The following CELF2 variants were observed in gnomAD, a reference collection of about 807,000 sequenced individuals.
CELF2 encodes CUGBP Elav-like family member 2.
Under a neutral mutation model 62.6 loss-of-function variants are expected in CELF2, and 8 were observed. The observed-to-expected ratio is 0.13, with a 90% CI of 0.07 to 0.23. The LOEUF (loss-of-function observed/expected upper bound fraction) is 0.23, where lower values mean the gene tolerates loss of function less well. CELF2 is among the 10% of genes least tolerant of loss of function. The probability of loss-of-function intolerance (pLI) is 1.00; values close to 1 mark genes in which losing one functional copy is unlikely to be tolerated. For synonymous variants in CELF2, 258 were observed against 250.0 expected, an observed-to-expected ratio of 1.03 and a Z score of -0.30; for missense variants, 333 against 671.0, an observed-to-expected ratio of 0.50 and a Z score of 5.56.
chr10:10,506,670 ATTTTTTTT>A, the CELF2 span, among the ~76,000 whole-genome samples: 13 of 64,572 alleles, frequency 2.0e-4, no homozygotes, highest in Admixed American at 1.1e-3. Context: ...CCTCCTGTGA[ATTTTTTTT>A]TTTTTTTTTT....
chr10:10,800,510 C>A (rs1274264091), intron 1 of CELF2, among the ~76,000 whole-genome samples: 1 of 152,142 alleles, frequency 6.6e-6, no homozygotes, highest in Non-Finnish European at 1.5e-5. Flanking sequence ...TACCACCATA[C>A]CTGGCTAATT....
the CELF2 span, among the ~76,000 whole-genome samples, chr10:10,499,820 G>T: frequency 6.6e-6 from 1 of 152,224 alleles, no homozygotes; most frequent in African/African-American, 2.4e-5. Context: ...GGAGGTTGCA[G>T]TGAGCTGAGA....
At chr10:11,222,851 T>A (rs573757722) in intron 3 of CELF2, among the ~76,000 whole-genome samples, 1 of 152,360 alleles carries the variant, frequency 6.6e-6, no homozygotes, top group South Asian at 2.1e-4. Flanking sequence ...TGTAGATACG[T>A]TATCACATGT....
intron 1 of CELF2, among the ~76,000 whole-genome samples, chr10:10,863,633 C>G (rs182757829): frequency 7.2e-5 from 11 of 151,966 alleles, no homozygotes; most frequent in Non-Finnish European, 2.9e-5. Context: ...TGGCAAAAAC[C>G]ACAATTACTT....
At chr10:10,745,128 C>CAAAAA in the CELF2 span, among the ~76,000 whole-genome samples, 2 of 98,352 alleles carry the variant, frequency 2.0e-5, no homozygotes, top group East Asian at 3.2e-4. Context: ...AAAAAAAAAA[C>CAAAAA]AAAACAAAAA....
In CELF2 at chr10:11,318,122, A is replaced by G. The variant is rs2095171613; in HGVS notation, c.1097-3067A>G. 1 of 152,590 alleles carries G rather than the reference A, an allele frequency of 6.6e-6. No individual in the cohort carries two copies. Among genetic ancestry groups the G allele is most frequent in the Middle Eastern group, 3.4e-3 (1 of 294 alleles). 9.5% of individuals were successfully genotyped at this position (152,590 alleles called of 1,614,324 possible). A position where few individuals can be genotyped will look rare whatever the true frequency, so the allele number is the denominator to read the frequency against. On this transcript the variant is annotated intron_variant, in intron 10 of 12. Transcript: ENST00000633077. This position sits in a 1 kb window ranked among gnomAD's most constrained non-coding sequence, Gnocchi z 5.4. ...ACTGTCTTTGATAGAATTAATCTAG[A>G]ACAACATCAGGTGACTCACAGGAAC...
chr10:10,554,771 T>C, the CELF2 span, among the ~76,000 whole-genome samples: 1 of 152,330 alleles, frequency 6.6e-6, no homozygotes, highest in Non-Finnish European at 1.5e-5. Flanking sequence ...TGGATTGACC[T>C]TGTCTCATAC....
chr10:11,258,035 C>G (rs141201921), intron 5 of CELF2, among the ~76,000 whole-genome samples, 163 bp downstream of exon 5: 1 of 152,320 alleles, frequency 6.6e-6, no homozygotes, highest in East Asian at 1.9e-4. Flanking sequence ...CTGAAATCAT[C>G]ACCTTTTATT....
the CELF2 span, among the ~76,000 whole-genome samples, chr10:10,748,692 G>A: frequency 6.3e-5 from 9 of 143,428 alleles, no homozygotes; most frequent in Non-Finnish European, 9.0e-5. Flanking sequence ...AACTGGCAGT[G>A]AGCCGAGGTT....
chr10:10,669,720 C>T, the CELF2 span, among the ~76,000 whole-genome samples: 2 of 152,176 alleles, frequency 1.3e-5, no homozygotes, highest in Non-Finnish European at 2.9e-5. Flanking sequence ...GCTTTACTGA[C>T]ACTGCTAACG....
the CELF2 span, among the ~76,000 whole-genome samples, chr10:10,646,548 G>A: frequency 1.3e-5 from 2 of 152,100 alleles, no homozygotes; most frequent in Admixed American, 6.5e-5. Context: ...AAATATGATG[G>A]CAGTCACATC....
chr10:11,143,153 T>C (rs2061660200), intron 1 of CELF2, among the ~76,000 whole-genome samples: 4 of 152,252 alleles, frequency 2.6e-5, no homozygotes. Context: ...TTTTCCTTTG[T>C]GTGCCTGTAA....
At chr10:10,761,500 T>G in the CELF2 span, among the ~76,000 whole-genome samples, 4 of 152,220 alleles carry the variant, frequency 2.6e-5, no homozygotes, top group Non-Finnish European at 5.9e-5. Context: ...AATATTATTC[T>G]GGGTGTTCCT....
chr10:10,858,280 A>G (rs1228237169), intron 1 of CELF2, among the ~76,000 whole-genome samples: 3 of 152,288 alleles, frequency 2.0e-5, no homozygotes, highest in Non-Finnish European at 2.9e-5. Flanking sequence ...GTGGCCTCTC[A>G]TCACCCAATG....
At chr10:10,851,674 G>A (rs1283687796) in intron 1 of CELF2, among the ~76,000 whole-genome samples, 1 of 152,156 alleles carries the variant, frequency 6.6e-6, no homozygotes, top group Admixed American at 6.5e-5. Context: ...CACAGACTGG[G>A]AGAAAATAGG....
intron 1 of CELF2, among the ~76,000 whole-genome samples, chr10:10,831,330 C>T (rs895921630): frequency 5.3e-5 from 8 of 152,202 alleles, no homozygotes; most frequent in Non-Finnish European, 1.2e-4. Flanking sequence ...ACACTGAGGG[C>T]AGTCAGGACA....
intron 12 of CELF2, among the ~76,000 whole-genome samples, chr10:11,326,878 AAC>A (rs1235928978): frequency 3.3e-5 from 5 of 152,184 alleles, no homozygotes; most frequent in Admixed American, 2.6e-4. Context: ...GGCTGGAGGA[AAC>A]ACACAGAATT....
chr10:10,662,333 T>C, the CELF2 span, among the ~76,000 whole-genome samples: 1 of 152,180 alleles, frequency 6.6e-6, no homozygotes, highest in African/African-American at 2.4e-5. Flanking sequence ...AGTTAGATAT[T>C]TGCCCAGGCT....
At chr10:10,772,024 C>G in the CELF2 span, among the ~76,000 whole-genome samples, 1 of 152,098 alleles carries the variant, frequency 6.6e-6, no homozygotes, top group African/African-American at 2.4e-5. Flanking sequence ...AAACCTTAGA[C>G]AATTCCATGC....
Sources: gnomAD v4.1 joint callset for allele counts (sites outside exome capture counted in the v4.1 genomes callset) on GRCh38, gnomAD v4.1.1 for gene constraint, Gnocchi (gnomAD v3.1) non-coding constraint, MANE v1.5 for transcripts, NCBI Gene and HGNC (gene_info 2026-07-23, HGNC 2026-07-21) for gene names.